PLXNA4: variants seen among roughly 807,000 people sequenced by gnomAD.
PLXNA4 encodes the protein plexin A4.
In PLXNA4, 44 loss-of-function variants were observed where a neutral mutation model predicts 191.8. The ratio of observed to expected loss-of-function variants is 0.23; its 90% CI spans 0.18 to 0.29. PLXNA4 has a LOEUF of 0.29. Among genes scored for constraint, PLXNA4 ranks in the 10% least tolerant of loss-of-function variants. The pLI is 1.00. For missense variants in PLXNA4, 1,800 were observed against 2,488.8 expected (o/e 0.72, Z 5.89); for synonymous variants, 1,082 against 1,009.5 (o/e 1.07, Z -1.36).
Position 132,127,789 on chromosome 7 carries a change from C to CTCTT in PLXNA4, c.*2686_*2689dup, listed in dbSNP as rs1491554948. ...CAGAAAATTTGTCTGTCCTTGTCTCCTCTTTCTTCCTAACCTTTCTATTTC... is the reference window on the plus strand; with the variant it reads ...CAGAAAATTTGTCTGTCCTTGTCTCCTCTTTCTTTCTTCCTAACCTTTCTATTTC... On this transcript the variant is annotated 3_prime_UTR_variant, in exon 32 of 32. Coordinates refer to ENST00000321063, the MANE Select transcript of PLXNA4 (RefSeq NM_020911.2). 7.0e-6 allele frequency: 1 copy of CTCTT among 142,456 alleles called. No individual in the cohort carries two copies. The highest frequency in any genetic ancestry group is 3.1e-5 in the African/African-American group (1 of 32,230). 8.8% of individuals were successfully genotyped at this position (142,456 alleles called of 1,614,324 possible). A position where few individuals can be genotyped will look rare whatever the true frequency, so the allele number is the denominator to read the frequency against.
At chr7:132,436,306 C>T (rs1795467150) in intron 3 of PLXNA4, among the ~76,000 whole-genome samples, 1 of 152,168 alleles carries the variant, frequency 6.6e-6, no homozygotes, top group African/African-American at 2.4e-5. Context: ...GACAATGGGT[C>T]TGGTTTATAT....
chr7:132,633,266 G>C (rs547173965), intron 2 of PLXNA4, among the ~76,000 whole-genome samples: 2 of 150,258 alleles, frequency 1.3e-5, no homozygotes, highest in South Asian at 4.2e-4. Flanking sequence ...AGAAAACAGT[G>C]GGGCTTGAGG....
intron 3 of PLXNA4, among the ~76,000 whole-genome samples, chr7:132,453,131 C>CA (rs926043928): frequency 1.2e-4 from 18 of 151,886 alleles, no homozygotes; most frequent in African/African-American, 3.6e-4. Context: ...GGATAAGGGC[C>CA]AAAAAAACAG....
intron 30 of PLXNA4, among the ~76,000 whole-genome samples, chr7:132,137,882 G>A (rs1795159651): frequency 6.6e-6 from 1 of 151,564 alleles, no homozygotes; most frequent in Non-Finnish European, 1.5e-5. Context: ...GAGAAGGGAG[G>A]GCAGGTGGGA....
At chr7:132,204,723 G>A (rs1797555277) in intron 10 of PLXNA4, among the ~76,000 whole-genome samples, 1 of 152,206 alleles carries the variant, frequency 6.6e-6, no homozygotes, top group South Asian at 2.1e-4. Context: ...AAGAATCTCA[G>A]AGGGCTACTG....
At chr7:132,501,173 A>G (rs900811480) in intron 2 of PLXNA4, among the ~76,000 whole-genome samples, 2 of 152,216 alleles carry the variant, frequency 1.3e-5, no homozygotes, top group African/African-American at 4.8e-5. Flanking sequence ...AACAAGTCAC[A>G]GAAATAGGGA....
intron 1 of PLXNA4, among the ~76,000 whole-genome samples, chr7:132,646,889 A>G (rs184589637): frequency 6.6e-6 from 1 of 152,202 alleles, no homozygotes; most frequent in Admixed American, 6.5e-5. Flanking sequence ...TATCATATAC[A>G]CACACATGCA....
At chr7:132,466,764 C>A (rs1796721813) in intron 3 of PLXNA4, among the ~76,000 whole-genome samples, 1 of 152,196 alleles carries the variant, frequency 6.6e-6, no homozygotes, top group Admixed American at 6.5e-5. Context: ...CCATTTTCCT[C>A]CTTTTTTAAC....
chr7:132,460,063 AT>A (rs1796450004), intron 3 of PLXNA4, among the ~76,000 whole-genome samples: 1 of 152,126 alleles, frequency 6.6e-6, no homozygotes, highest in South Asian at 2.1e-4. Context: ...AACTGTTTAA[AT>A]TCCATTTGGC....
At chr7:132,226,281 G>C in intron 7 of PLXNA4, 21 bp from the exon 8 acceptor site, 1 of 1,600,444 alleles carries the variant, frequency 6.2e-7, no homozygotes, top group East Asian at 2.2e-5. Flanking sequence ...AGATGGCTGA[G>C]GGGTCAGGGA....
At chr7:132,254,423 T>C (rs10236971) in intron 4 of PLXNA4, among the ~76,000 whole-genome samples, 33,379 of 152,158 alleles carry the variant, frequency 0.22, 3,911 homozygotes, top group Non-Finnish European at 0.24. Context: ...TCTGAGAGAA[T>C]GGAGAGAGCA....
chr7:132,547,724 G>A (rs1800371214), intron 1 of PLXNA4, among the ~76,000 whole-genome samples: 1 of 152,036 alleles, frequency 6.6e-6, no homozygotes, highest in Non-Finnish European at 1.5e-5. Context: ...AAGCCATCAG[G>A]ACCCCACAAA....
intron 1 of PLXNA4, among the ~76,000 whole-genome samples, chr7:132,563,442 TTCCTCCTCCTCCTCCTTC>T (rs1801465733): frequency 3.7e-5 from 2 of 53,498 alleles, no homozygotes; most frequent in Non-Finnish European, 7.0e-5. Flanking sequence ...CCTCCTCCTC[TTCCTCCTCCTCCTCCTTC>T]TCCTCCTCCT....
intron 2 of PLXNA4, among the ~76,000 whole-genome samples, chr7:132,638,221 T>C (rs1803647566): frequency 6.6e-6 from 1 of 152,184 alleles, no homozygotes; most frequent in Non-Finnish European, 1.5e-5. Context: ...CACGGGCAGC[T>C]CTCATGCCAG....
At chr7:132,358,733 C>T (rs1277742767) in intron 3 of PLXNA4, among the ~76,000 whole-genome samples, 3 of 152,166 alleles carry the variant, frequency 2.0e-5, no homozygotes. Flanking sequence ...TATATAATTA[C>T]ATCTATGTCA....
At chr7:132,329,608 G>A (rs1304700223) in intron 3 of PLXNA4, among the ~76,000 whole-genome samples, 1 of 152,148 alleles carries the variant, frequency 6.6e-6, no homozygotes, top group South Asian at 2.1e-4. Flanking sequence ...TCTGCATCAT[G>A]GGCCTCCAGC....
intron 1 of PLXNA4, among the ~76,000 whole-genome samples, chr7:132,549,215 T>C (rs960302701): frequency 1.3e-5 from 2 of 152,322 alleles, no homozygotes; most frequent in African/African-American, 4.8e-5. Flanking sequence ...TTTGCTTTAC[T>C]TTATGGACTT....
intron 3 of PLXNA4, among the ~76,000 whole-genome samples, chr7:132,430,921 C>T (rs967930582): frequency 6.6e-6 from 1 of 152,118 alleles, no homozygotes; most frequent in Non-Finnish European, 1.5e-5. Context: ...CTGGGTGAAG[C>T]GGAAGAGTGG....
chr7:132,429,256 T>G (rs1174264779), intron 3 of PLXNA4, among the ~76,000 whole-genome samples: 1 of 152,176 alleles, frequency 6.6e-6, no homozygotes, highest in Non-Finnish European at 1.5e-5. Context: ...GCTCCTTAAC[T>G]TCTGTCTTTG....
Sources: gnomAD v4.1 joint callset for allele counts (sites outside exome capture counted in the v4.1 genomes callset) on GRCh38, gnomAD v4.1.1 for gene constraint, MANE v1.5 for transcripts, NCBI Gene and HGNC (gene_info 2026-07-23, HGNC 2026-07-21) for gene names.